ZNF404: variants seen among roughly 807,000 people sequenced by gnomAD.
ZNF404 encodes zinc finger protein 404.
In ZNF404, 7 loss-of-function variants were observed where a neutral mutation model predicts 7.3. That is an observed-to-expected ratio of 0.95 (90% CI 0.54 to 1.79). The LOEUF (loss-of-function observed/expected upper bound fraction) is 1.79, where lower values mean the gene tolerates loss of function less well. Ranked by LOEUF, ZNF404 falls within the 40% of genes most tolerant of loss-of-function variation. The pLI is 0.00. For missense variants in ZNF404, 560 were observed against 661.5 expected (o/e 0.85, Z 1.68); for synonymous variants, 191 against 209.9 (o/e 0.91, Z 0.78).
At position 43,872,984 on chromosome 19, in the gene ZNF404, T is replaced by C. The variant is rs778657678; in HGVS notation, c.1230A>G (p.Pro410=). Residue 410 remains proline, a synonymous_variant, in exon 3 of 3, where the codon CCA becomes CCG. Transcript: ENST00000587539. This position sits in a 1 kb window ranked among gnomAD's most constrained non-coding sequence, Gnocchi z 4.4. The part of the protein sequence containing the change: ...QHQIIHTDLK[P]YECKQCGKAF... ...CTTTCCCACATTGCTTACATTCATA[T>C]GGCTTCAAATCAGTATGAATTATCT... 2 of 1,603,474 alleles carry C rather than the reference T, an allele frequency of 1.2e-6. No individual in the cohort carries two copies. Among genetic ancestry groups the C allele is most frequent in the South Asian group, 2.2e-5 (2 of 90,022 alleles).
At position 43,873,688 on chromosome 19, in the gene ZNF404, TAATAA is replaced by T; in HGVS notation, c.521_525del (p.Phe174Ter). 2 of 1,613,328 alleles carry T rather than the reference TAATAA, an allele frequency of 1.2e-6. No homozygotes were observed. Among genetic ancestry groups the T allele is most frequent in the Non-Finnish European group, 1.7e-6 (2 of 1,179,622 alleles). On this transcript the variant is annotated frameshift_variant, in exon 3 of 3. Coordinates refer to ENST00000587539, the MANE Select transcript of ZNF404 (RefSeq NM_001033719.3). LOFTEE classifies it low-confidence loss of function (END_TRUNC). ...AAATCAGTGTGGATTTTTCGATGTC[TAATAA>T]AATGCTGGAAAACTACAAATGCTTT...
intron 2 of ZNF404, among the ~76,000 whole-genome samples, chr19:43,879,711 T>C (rs1390567268): frequency 6.6e-6 from 1 of 152,204 alleles, no homozygotes; most frequent in Admixed American, 6.5e-5. Context: ...TTTTTGCTGA[T>C]AGTGTCTTTG....
intron 1 of ZNF404, 37 bp downstream of exon 1, chr19:43,883,919 A>G (rs1971918047): frequency 6.3e-7 from 1 of 1,596,190 alleles, no homozygotes; most frequent in Non-Finnish European, 8.5e-7. Flanking sequence ...TTAAAAAATC[A>G]CAATAAGTCA....
chr19:43,882,828 T>C (rs1009345096), intron 1 of ZNF404, among the ~76,000 whole-genome samples: 7 of 151,132 alleles, frequency 4.6e-5, no homozygotes, highest in Middle Eastern at 3.2e-3. Context: ...AGGCTGGGCA[T>C]TGTGGCTCAT....
rs990295784 is a variant in ZNF404, at chr19:43,881,853, A to G, written c.10-1717T>C. 5 of 151,390 alleles carry G rather than the reference A, an allele frequency of 3.3e-5. No individual in the cohort carries two copies. The South Asian group carries it at 1.1e-3, about 32-fold the overall frequency. 9.4% of individuals were successfully genotyped at this position (151,390 alleles called of 1,614,324 possible). On this transcript the variant is annotated intron_variant, in intron 1 of 2. Coordinates refer to ENST00000587539, the MANE Select transcript of ZNF404 (RefSeq NM_001033719.3). ...ATGCCTGTAATCCCAGCTTCTCAGG[A>G]GGCTGAGGCAAGAGAATTGCTTGAA...
Position 43,872,563 on chromosome 19 carries a change from A to C in ZNF404, c.1651T>G (p.Leu551Val). 6.3e-7 allele frequency: 1 copy of C among 1,597,186 alleles called. No individual in the cohort carries two copies. Among genetic ancestry groups the C allele is most frequent in the Non-Finnish European group, 8.5e-7 (1 of 1,171,534 alleles). ...AAAGGCTTTCCCTCTCATTACATTA[A>C]GAGTCTCTCACCATGGTGAAATCTT... ...HQRFHHGERLLM is the reference protein window; with the variant it reads ...HQRFHHGERLVM The change falls in exon 3 of 3, where the codon TTA (leucine) becomes GTA (valine). Residue 551 changes from leucine to valine, a missense_variant. Coordinates refer to ENST00000587539, the MANE Select transcript of ZNF404 (RefSeq NM_001033719.3). This position sits in a 1 kb window ranked among gnomAD's most constrained non-coding sequence, Gnocchi z 4.4.
chr19:43,872,853 A>G lies in ZNF404; in HGVS notation c.1361T>C (p.Leu454Pro), dbSNP rs1395959034. Residue 454 changes from leucine (L) to proline (P), a missense_variant, in exon 3 of 3, where the codon CTA becomes CCA. Coordinates refer to ENST00000587539, the MANE Select transcript of ZNF404 (RefSeq NM_001033719.3). This position sits in a 1 kb window ranked among gnomAD's most constrained non-coding sequence, Gnocchi z 4.4. ...AGTATGAATTGTCTGATGATAAATT[A>G]GTTGAGAATTAAGTCTAAAGGTTTT... ...CGKTFRLNSQ[L>P]IYHQTIHTGL... The G allele has an allele frequency of 1.2e-6, 2 of 1,608,790 alleles. No homozygotes were observed. Among genetic ancestry groups the G allele is most frequent in the East Asian group, 4.5e-5 (2 of 44,812 alleles).
At chr19:43,877,354 G>T (rs1269485940) in intron 2 of ZNF404, among the ~76,000 whole-genome samples, 2 of 152,010 alleles carry the variant, frequency 1.3e-5, no homozygotes, top group Non-Finnish European at 2.9e-5. Context: ...CTCCCTGTTG[G>T]CCAGGCTTCG....
rs746186290 is a variant in ZNF404, at chr19:43,872,998, T to A, written c.1216A>T (p.Thr406Ser). Residue 406 changes from threonine (T) to serine (S), a missense_variant, in exon 3 of 3, where the codon ACT (threonine) becomes TCT (serine). Coordinates refer to ENST00000587539, the MANE Select transcript of ZNF404 (RefSeq NM_001033719.3). This position sits in a 1 kb window ranked among gnomAD's most constrained non-coding sequence, Gnocchi z 4.4. ...SYLIQHQIIH[T>S]DLKPYECKQC... ...TTACATTCATATGGCTTCAAATCAG[T>A]ATGAATTATCTGATGTTGAATAAGA... 1 of 1,602,936 alleles carries A rather than the reference T, an allele frequency of 6.2e-7. No homozygotes were observed. The highest frequency in any genetic ancestry group is 1.1e-5 in the South Asian group (1 of 90,008).
intron 1 of ZNF404, among the ~76,000 whole-genome samples, chr19:43,880,573 A>G (rs1343175885): frequency 2.0e-5 from 3 of 152,238 alleles, no homozygotes; most frequent in African/African-American, 4.8e-5. Context: ...CCAACACGGA[A>G]TAACAGGGAT....
chr19:43,880,785 G>A (rs1469997842), intron 1 of ZNF404, among the ~76,000 whole-genome samples: 1 of 152,104 alleles, frequency 6.6e-6, no homozygotes. Context: ...AAGCCCACTG[G>A]ATTCCACTGA....
chr19:43,878,426 G>A (rs1971868808), intron 2 of ZNF404, among the ~76,000 whole-genome samples: 1 of 151,824 alleles, frequency 6.6e-6, no homozygotes, highest in African/African-American at 2.4e-5. Context: ...TTTTGATGGG[G>A]TTGTTTGTTT....
chr19:43,882,791 T>TAAA (rs529329255), intron 1 of ZNF404, among the ~76,000 whole-genome samples: 31 of 120,750 alleles, frequency 2.6e-4, no homozygotes, highest in African/African-American at 8.7e-4. Flanking sequence ...ACCCCATCTC[T>TAAA]AAAAAAAAAA....
Position 43,872,468 on chromosome 19 carries a change from T to G in ZNF404, c.*87A>C. 9.5e-7 allele frequency: 1 copy of G among 1,054,008 alleles called. No homozygotes were observed. The highest frequency in any genetic ancestry group is 1.3e-6 in the Non-Finnish European group (1 of 760,820). 65.3% of individuals were successfully genotyped at this position (1,054,008 alleles called of 1,614,324 possible). A position where few individuals can be genotyped will look rare whatever the true frequency, so the allele number is the denominator to read the frequency against. On this transcript the variant is annotated 3_prime_UTR_variant, in exon 3 of 3. Transcript: ENST00000587539. The surrounding 1 kb of genome is among the most constrained non-coding windows in gnomAD (Gnocchi z 4.4). ...CCAGATGCCTTTCCAAGTATTTATA[T>G]TCTATATTAACTAGTTTAATCTTCA... is the stretch of plus-strand genomic sequence containing the variant.
chr19:43,878,267 T>C (rs1419823126), intron 2 of ZNF404, among the ~76,000 whole-genome samples: 1 of 148,174 alleles, frequency 6.7e-6, no homozygotes, highest in Non-Finnish European at 1.5e-5. Context: ...TTTTTAATGA[T>C]TGCCATTCTA....
In ZNF404 at chr19:43,872,697, C is replaced by T. The variant is rs201850953; in HGVS notation, c.1517G>A (p.Arg506His). ...ECKECDKAFNRSDRLTQHETI... is the reference protein window; with the variant it reads ...ECKECDKAFNHSDRLTQHETI... The stretch of plus-strand genomic sequence containing the variant: ...CTCATGTTGAGTAAGTCGATCACTG[C>T]GATTAAAGGCCTTATCACATTCTTT... Residue 506 changes from arginine (R) to histidine (H), a missense_variant, in exon 3 of 3, where the codon CGC becomes CAC. Transcript: ENST00000587539. This position sits in a 1 kb window ranked among gnomAD's most constrained non-coding sequence, Gnocchi z 4.4. The T allele has an allele frequency of 3.5e-4, 563 of 1,613,142 alleles. No individual in the cohort carries two copies. Among genetic ancestry groups the T allele is most frequent in the Non-Finnish European group, 4.3e-4 (506 of 1,179,616 alleles).
In ZNF404 at chr19:43,873,519, T is replaced by G. The variant is rs757321795; in HGVS notation, c.695A>C (p.Glu232Ala). ...CAAGCCAACATGAATTTTCTGATGT[T>G]CTGTAAGGTGAGAATGACGTCTAAA... ...KAFRRHSHLT[E>A]HQKIHVGLKP... The change falls in exon 3 of 3, where the codon GAA (glutamate) becomes GCA (alanine). Residue 232 changes from glutamate to alanine, a missense_variant. Glu to Ala is a moderately radical substitution (Grantham distance 107, BLOSUM62 -1). Transcript: ENST00000587539. 9 of 1,613,444 alleles carry G rather than the reference T, an allele frequency of 5.6e-6. No individual in the cohort carries two copies. The South Asian group carries it at 9.9e-5, about 18-fold the overall frequency.
At chr19:43,882,793 A>T (rs2146622756) in intron 1 of ZNF404, among the ~76,000 whole-genome samples, 1 of 126,170 alleles carries the variant, frequency 7.9e-6, no homozygotes, top group East Asian at 2.0e-4. Flanking sequence ...CCCATCTCTA[A>T]AAAAAAAAAA....
Position 43,872,610 on chromosome 19 carries a change from C to A in ZNF404, c.1604G>T (p.Cys535Phe). Reference protein sequence around the residue: ...CKECGKAFSHCYQLSQHQRFH... With the variant: ...CKECGKAFSHFYQLSQHQRFH... Reference sequence around the variant, plus strand: ...TCTTTGATGTTGACTAAGTTGATAGCAATGACTAAAGGCCTTACCACATTC... The same window carrying A: ...TCTTTGATGTTGACTAAGTTGATAGAAATGACTAAAGGCCTTACCACATTC... The change falls in exon 3 of 3, where the codon TGC becomes TTC. Residue 535 changes from cysteine (C) to phenylalanine (F), a missense_variant. Transcript: ENST00000587539. The surrounding 1 kb of genome is among the most constrained non-coding windows in gnomAD (Gnocchi z 4.4). 1 of 1,611,142 alleles carries A rather than the reference C, an allele frequency of 6.2e-7. No homozygotes were observed. Among genetic ancestry groups the A allele is most frequent in the East Asian group, 2.2e-5 (1 of 44,842 alleles).
Sources: gnomAD v4.1 joint callset for allele counts (sites outside exome capture counted in the v4.1 genomes callset) on GRCh38, gnomAD v4.1.1 for gene constraint, Gnocchi (gnomAD v3.1) non-coding constraint, MANE v1.5 for transcripts, NCBI Gene and HGNC (gene_info 2026-07-23, HGNC 2026-07-21) for gene names.